Variants in CACFD1 observed in about 807,000 individuals in gnomAD.
The protein encoded by CACFD1 is calcium channel flower homolog.
Under a neutral mutation model 21.3 loss-of-function variants are expected in CACFD1, and 26 were observed. The observed-to-expected ratio is 1.22, with a 90% confidence interval of 0.89 to 1.69. The LOEUF is 1.69. Among genes scored for constraint, CACFD1 ranks in the 40% most tolerant of loss-of-function variants. The pLI, the probability that CACFD1 is intolerant of heterozygous loss-of-function variation, is 0.00. For missense variants in CACFD1, 265 were observed against 236.2 expected (o/e 1.12, Z -0.80); for synonymous variants, 121 against 106.6 (o/e 1.13, Z -0.83).
At chr9:133,466,362 C>T (rs1554799559) in intron 3 of CACFD1, among the ~76,000 whole-genome samples, 1 of 152,232 alleles carries the variant, frequency 6.6e-6, no homozygotes, top group Non-Finnish European at 1.5e-5. Flanking sequence ...GTGTGTGCTT[C>T]CTGTCTGCAG....
chr9:133,468,365 G>A (rs3094381), intron 4 of CACFD1, 198 bp from the exon 5 acceptor site: 136,814 of 1,535,658 alleles, frequency 0.089, 6,656 homozygotes, highest in Middle Eastern at 0.12. Flanking sequence ...TGGTTCCTTC[G>A]CAGCCCAGCA....
At chr9:133,467,658 C>A (rs998448784) in intron 3 of CACFD1, among the ~76,000 whole-genome samples, 1 of 152,180 alleles carries the variant, frequency 6.6e-6, no homozygotes, top group Non-Finnish European at 1.5e-5. Context: ...TGGACCATCT[C>A]GTTACTGTTT....
chr9:133,463,479 C>A lies in CACFD1; in HGVS notation c.122-4C>A, dbSNP rs782751917. On this transcript the variant is annotated splice_polypyrimidine_tract_variant and splice_region_variant and intron_variant, in intron 1 of 4. Transcript: ENST00000316948. ...TGACTCCTGCCCGTGTCTCTTGTTTCAAGCTTGCGCGATCTCTGGCCTCTT... is the reference window on the plus strand; with the variant it reads ...TGACTCCTGCCCGTGTCTCTTGTTTAAAGCTTGCGCGATCTCTGGCCTCTT... 2.5e-6 allele frequency: 4 copies of A among 1,613,956 alleles called. No individual in the cohort carries two copies.
intron 1 of CACFD1, among the ~76,000 whole-genome samples, chr9:133,463,162 C>A (rs79960497): frequency 1.3e-5 from 2 of 152,220 alleles, no homozygotes; most frequent in Admixed American, 6.5e-5. Flanking sequence ...TTAATCCTAA[C>A]CTCCCTTTGA....
chr9:133,468,706 A>G lies in CACFD1; in HGVS notation c.*53A>G. On this transcript the variant is annotated 3_prime_UTR_variant, in exon 5 of 5. Transcript: ENST00000316948. ...CCCTCTTCTGGCTCTGTGTGGGTCCAAGTGAGGCCTGGACTGTCCACGCTG... is the reference window on the plus strand; with the variant it reads ...CCCTCTTCTGGCTCTGTGTGGGTCCGAGTGAGGCCTGGACTGTCCACGCTG... The G allele has an allele frequency of 6.6e-7, 1 of 1,524,156 alleles. No homozygotes were observed. Among genetic ancestry groups the G allele is most frequent in the Non-Finnish European group, 8.8e-7 (1 of 1,137,334 alleles). 94.4% of individuals were successfully genotyped at this position (1,524,156 alleles called of 1,614,324 possible).
Position 133,463,524 on chromosome 9 carries a change from C to G in CACFD1, c.163C>G (p.Pro55Ala). Residue 55 changes from proline (P) to alanine (A), a missense_variant, in exon 2 of 5, where the codon CCT (proline) becomes GCT (alanine). Coordinates refer to ENST00000316948, the MANE Select transcript of CACFD1 (RefSeq NM_017586.5). ...CCTCTTCAACTGCATCACCATCCAC[C>G]CTCTGAACATTGCGGCCGGCGTGTG... ...SGLFNCITIHPLNIAAGVWMI... is the reference protein window; with the variant it reads ...SGLFNCITIHALNIAAGVWMI... 1 of 1,614,170 alleles carries G rather than the reference C, an allele frequency of 6.2e-7. No homozygotes were observed. Among genetic ancestry groups the G allele is most frequent in the Non-Finnish European group, 8.5e-7 (1 of 1,180,022 alleles).
chr9:133,469,519 C>G lies in CACFD1; in HGVS notation c.*866C>G, dbSNP rs1304117593. On this transcript the variant is annotated 3_prime_UTR_variant, in exon 5 of 5. Transcript: ENST00000316948. ...CACTCAGGTGCTCCTGCTGGCCTGC[C>G]CAAGCCCTGCCCTCAGGGAGCTTCT... The G allele has an allele frequency of 1.3e-5, 2 of 152,596 alleles. No individual in the cohort carries two copies. Among genetic ancestry groups the G allele is most frequent in the African/African-American group, 4.8e-5 (2 of 41,464 alleles). 9.5% of individuals were successfully genotyped at this position (152,596 alleles called of 1,614,324 possible).
rs970419226 is a variant in CACFD1 at position 133,468,055 on chromosome 9, G to A, written c.428+27G>A. On this transcript the variant is annotated intron_variant, in intron 4 of 4. Coordinates refer to ENST00000316948, the MANE Select transcript of CACFD1 (RefSeq NM_017586.5). ...TGCGTCTGCCAGGCCCAGCCCCTGGGCAGGGCCTTCCTCCCTCCGCCCCCC... is the reference window on the plus strand; with the variant it reads ...TGCGTCTGCCAGGCCCAGCCCCTGGACAGGGCCTTCCTCCCTCCGCCCCCC... 3.2e-6 allele frequency: 5 copies of A among 1,581,532 alleles called. No homozygotes were observed. In the Admixed American group the frequency reaches 8.4e-5, roughly 26 times the overall value.
chr9:133,460,313 C>A, intron 1 of CACFD1, 126 bp downstream of exon 1: 1 of 883,898 alleles, frequency 1.1e-6, no homozygotes, highest in Non-Finnish European at 1.5e-6. Context: ...CTGCCGGGCG[C>A]CTCCCGGGGC....
Position 133,465,270 on chromosome 9 carries a change from C to A in CACFD1, c.195-52C>A. On this transcript the variant is annotated intron_variant, in intron 2 of 4. Transcript: ENST00000316948. The surrounding 1 kb of genome is among the most constrained non-coding windows in gnomAD (Gnocchi z 5.0). ...TGGCACTGGCACTGGGGGCCGCCCT[C>A]ATCCTCCTGGGATTGTCAGTCGCTG... is the stretch of plus-strand genomic sequence containing the variant. 1 of 1,609,060 alleles carries A rather than the reference C, an allele frequency of 6.2e-7. No individual in the cohort carries two copies. The highest frequency in any genetic ancestry group is 8.5e-7 in the Non-Finnish European group (1 of 1,177,858).
In CACFD1 at chr9:133,460,167, C is replaced by T. The variant is rs372774526; in HGVS notation, c.101C>T (p.Ser34Phe). The T allele has an allele frequency of 5.8e-6, 9 of 1,555,192 alleles. No individual in the cohort carries two copies. Among genetic ancestry groups the T allele is most frequent in the Non-Finnish European group, 7.8e-6 (9 of 1,149,924 alleles). Reference sequence around the variant, plus strand: ...TGGTACCGCTGGCTGTGTCGCCTGTCTGGGGTGCTGGGGGCAGTCTGTGAG... The same window carrying T: ...TGGTACCGCTGGCTGTGTCGCCTGTTTGGGGTGCTGGGGGCAGTCTGTGAG... The part of the protein sequence containing the change: ...TWWYRWLCRL[S>F]GVLGAVSCAI... Residue 34 changes from serine to phenylalanine, a missense_variant, in exon 1 of 5, where the codon TCT (serine) becomes TTT (phenylalanine). Transcript: ENST00000316948.
chr9:133,468,031 GCGT>G lies in CACFD1; in HGVS notation c.428+5_428+7del, dbSNP rs1554799924. 6.2e-7 allele frequency: 1 copy of G among 1,611,122 alleles called. No homozygotes were observed. Among genetic ancestry groups the G allele is most frequent in the African/African-American group, 1.3e-5 (1 of 74,982 alleles). On this transcript the variant is annotated splice_donor_5th_base_variant and intron_variant, in intron 4 of 4. Transcript: ENST00000316948. ...GGACTCTCTGCTCTGGGCAAAAAGT[GCGT>G]CTGCCAGGCCCAGCCCCTGGGCAGG...
intron 2 of CACFD1, among the ~76,000 whole-genome samples, chr9:133,463,972 T>C (rs919990709): frequency 6.6e-6 from 1 of 152,138 alleles, no homozygotes; most frequent in Non-Finnish European, 1.5e-5. Context: ...CTGGGTTGAA[T>C]GGTCTGCTGG....
chr9:133,468,429 C>T (rs1044169324), intron 4 of CACFD1, 134 bp from the exon 5 acceptor site: 1 of 1,536,198 alleles, frequency 6.5e-7, no homozygotes, highest in East Asian at 2.4e-5. Context: ...TTTGCCACCC[C>T]AGCAGTTGTC....
At position 133,467,345 on chromosome 9, in the gene CACFD1, G is replaced by A. The variant is rs145148518; in HGVS notation, c.321-576G>A. On this transcript the variant is annotated intron_variant, in intron 3 of 4. Coordinates refer to ENST00000316948, the MANE Select transcript of CACFD1 (RefSeq NM_017586.5). Reference sequence around the variant, plus strand: ...GCCAAACTGCAGCAAGGTCTGGGCCGACCCCGCAGACCCCGCAGCCTGCAG... The same window carrying A: ...GCCAAACTGCAGCAAGGTCTGGGCCAACCCCGCAGACCCCGCAGCCTGCAG... Among the ~76,000 whole-genome samples the A allele has an allele frequency of 2.7e-3, 415 of 151,690 alleles. 1 individual carries two copies. The highest frequency in any genetic ancestry group is 9.8e-3 in the African/African-American group (401 of 40,968).
chr9:133,469,818 T>A lies in CACFD1; in HGVS notation c.*1165T>A, dbSNP rs981955880. On this transcript the variant is annotated 3_prime_UTR_variant, in exon 5 of 5. Coordinates refer to ENST00000316948, the MANE Select transcript of CACFD1 (RefSeq NM_017586.5). ...CAGAAGCGGGCGGGTGTGGAAGATATTCCATCTGGGGCCAACCCCAGGCTG... is the reference window on the plus strand; with the variant it reads ...CAGAAGCGGGCGGGTGTGGAAGATAATCCATCTGGGGCCAACCCCAGGCTG... The A allele has an allele frequency of 6.6e-6, 1 of 152,304 alleles. No homozygotes were observed. Among genetic ancestry groups the A allele is most frequent in the Middle Eastern group, 3.1e-3 (1 of 318 alleles). 9.4% of individuals were successfully genotyped at this position (152,304 alleles called of 1,614,324 possible). A position where few individuals can be genotyped will look rare whatever the true frequency, so the allele number is the denominator to read the frequency against.
intron 4 of CACFD1, 37 bp downstream of exon 4, chr9:133,468,065 C>T (rs1490939950): frequency 6.6e-7 from 1 of 1,513,902 alleles, no homozygotes; most frequent in Non-Finnish European, 9.2e-7. Context: ...GCAGGGCCTT[C>T]CTCCCTCCGC....
intron 1 of CACFD1, among the ~76,000 whole-genome samples, chr9:133,462,577 A>C (rs1396180221): frequency 6.6e-6 from 1 of 152,208 alleles, no homozygotes; most frequent in African/African-American, 2.4e-5. Context: ...GCTGCCTCCA[A>C]GGCCCCCCTC....
chr9:133,461,804 C>T, intron 1 of CACFD1: 1 of 915,198 alleles, frequency 1.1e-6, no homozygotes, highest in South Asian at 5.0e-5. Context: ...CATCAAAATG[C>T]TGTATTACAG....
Sources: gnomAD v4.1 joint callset for allele counts (sites outside exome capture counted in the v4.1 genomes callset) on GRCh38, gnomAD v4.1.1 for gene constraint, Gnocchi (gnomAD v3.1) non-coding constraint, MANE v1.5 for transcripts, NCBI Gene and HGNC (gene_info 2026-07-23, HGNC 2026-07-21) for gene names.